Variants in TTC28 observed in about 807,000 individuals in gnomAD.
The protein encoded by TTC28 is tetratricopeptide repeat protein 28.
In TTC28, 61 loss-of-function variants were observed where a neutral mutation model predicts 198.0. The observed-to-expected ratio is 0.31, with a 90% CI of 0.25 to 0.38. The LOEUF is 0.38. TTC28 is among the 10% of genes least tolerant of loss of function. The pLI is 1.00. For synonymous variants in TTC28, 1,171 were observed against 1,297.8 expected (o/e 0.90, Z 2.10); for missense variants, 2,678 against 3,164.0 (o/e 0.85, Z 3.69).
At chr22:28,009,176 C>T (rs968093874) in intron 14 of TTC28, among the ~76,000 whole-genome samples, 4 of 152,172 alleles carry the variant, frequency 2.6e-5, no homozygotes, top group African/African-American at 7.2e-5. Context: ...CAAAGGACAG[C>T]GTGGTTCCAG....
intron 12 of TTC28, among the ~76,000 whole-genome samples, chr22:28,039,691 A>G (rs1939531652): frequency 6.6e-6 from 1 of 152,182 alleles, no homozygotes; most frequent in Non-Finnish European, 1.5e-5. Flanking sequence ...GAGAAGGAAG[A>G]GCAAACAAAT....
intron 5 of TTC28, among the ~76,000 whole-genome samples, chr22:28,207,791 G>C (rs1284644161): frequency 2.0e-5 from 3 of 152,048 alleles, no homozygotes; most frequent in Non-Finnish European, 2.9e-5. Context: ...AGAGGATCCA[G>C]GAGAGCCCCA....
chr22:28,135,198 G>A (rs924972069), intron 6 of TTC28, among the ~76,000 whole-genome samples: 1 of 152,138 alleles, frequency 6.6e-6, no homozygotes, highest in Non-Finnish European at 1.5e-5. Flanking sequence ...CTGCCATCCT[G>A]TTACTACCTT....
At chr22:28,588,650 A>C (rs1168889116) in intron 2 of TTC28, among the ~76,000 whole-genome samples, 1 of 152,228 alleles carries the variant, frequency 6.6e-6, no homozygotes. Context: ...CTTTAAAAAG[A>C]TTTCAGGTTC....
intron 2 of TTC28, among the ~76,000 whole-genome samples, chr22:28,309,798 C>A (rs1224252383): frequency 1.3e-5 from 2 of 152,112 alleles, no homozygotes; most frequent in African/African-American, 4.8e-5. Context: ...GGTTTGGCAG[C>A]AGATGGAGAA....
rs1172352140 is a variant in TTC28 at position 27,983,320 on chromosome 22, G to A, written c.6347C>T (p.Pro2116Leu). Reference protein sequence around the residue: ...PNSPVKMTLIPSPNSPFQKVG... With the variant: ...PNSPVKMTLILSPNSPFQKVG... ...CTTTTGGAAGGGTGAGTTGGGGCTG[G>A]GAATCAGAGTCATTTTCACTGGAGA... Residue 2116 changes from proline (P) to leucine (L), a missense_variant, in exon 23 of 23, where the codon CCC (proline) becomes CTC (leucine). Pro to Leu is a moderately conservative substitution (Grantham distance 98). This residue lies in a region of TTC28 where 622 missense variants were observed against 656.0 expected (regional missense o/e 0.95). Coordinates refer to ENST00000397906, the MANE Select transcript of TTC28 (RefSeq NM_001145418.2). The A allele has an allele frequency of 6.4e-7, 1 of 1,551,986 alleles. No homozygotes were observed. Among genetic ancestry groups the A allele is most frequent in the Non-Finnish European group, 8.7e-7 (1 of 1,147,096 alleles).
At chr22:28,293,179 C>A (rs1449505254) in intron 5 of TTC28, among the ~76,000 whole-genome samples, 3 of 152,002 alleles carry the variant, frequency 2.0e-5, no homozygotes, top group African/African-American at 7.2e-5. Context: ...GAATTATTCA[C>A]AATAACCAAG....
chr22:27,983,745 T>C lies in TTC28; in HGVS notation c.5922A>G (p.Gln1974=). 6.4e-7 allele frequency: 1 copy of C among 1,551,100 alleles called. No homozygotes were observed. Among genetic ancestry groups the C allele is most frequent in the Non-Finnish European group, 8.7e-7 (1 of 1,146,862 alleles). Residue 1974 remains glutamine (Q), a synonymous_variant, in exon 23 of 23, where the codon CAA becomes CAG. Transcript: ENST00000397906. ...VSNALPLGYQ[Q]PPFSPTGADS... ...CCGCACCGGTGGGAGAGAAGGGGGG[T>C]TGCTGGTAACCCAAGGGCAGGGCGT...
chr22:28,378,256 G>A (rs2046442211), intron 2 of TTC28, among the ~76,000 whole-genome samples: 1 of 147,198 alleles, frequency 6.8e-6, no homozygotes, highest in Non-Finnish European at 1.5e-5. Context: ...TGAGGCATGA[G>A]AATAGCTTGA....
At chr22:28,642,485 AG>A (rs1432971141) in intron 1 of TTC28, among the ~76,000 whole-genome samples, 1 of 151,990 alleles carries the variant, frequency 6.6e-6, no homozygotes, top group Non-Finnish European at 1.5e-5. Context: ...GAAAGGCCCA[AG>A]CAGTTTATTT....
At chr22:28,545,019 T>C (rs1476698462) in intron 2 of TTC28, among the ~76,000 whole-genome samples, 2 of 152,194 alleles carry the variant, frequency 1.3e-5, no homozygotes, top group Non-Finnish European at 2.9e-5. Flanking sequence ...TCCTTTACTT[T>C]CTTAATAAAT....
chr22:28,144,370 A>G (rs1943410342), intron 6 of TTC28, among the ~76,000 whole-genome samples: 1 of 152,248 alleles, frequency 6.6e-6, no homozygotes, highest in Non-Finnish European at 1.5e-5. Flanking sequence ...TAATAGTGGA[A>G]GATGGTTTGG....
chr22:28,447,440 C>T (rs1269149922), intron 2 of TTC28, among the ~76,000 whole-genome samples: 1 of 152,220 alleles, frequency 6.6e-6, no homozygotes, highest in Admixed American at 6.5e-5. Context: ...AGCATCCTAA[C>T]AGGCCAAACA....
At chr22:28,567,475 C>CATATATAT (rs1217643047) in intron 2 of TTC28, among the ~76,000 whole-genome samples, 19 of 13,766 alleles carry the variant, frequency 1.4e-3, no homozygotes, top group South Asian at 3.1e-3. Flanking sequence ...CATATACATA[C>CATATATAT]ATACATATAT....
chr22:27,990,666 C>G (rs1937367994), intron 20 of TTC28, 123 bp downstream of exon 20: 1 of 924,368 alleles, frequency 1.1e-6, no homozygotes, highest in South Asian at 1.8e-5. Flanking sequence ...GGGGGCGCCG[C>G]AGCCCGTGTG....
intron 5 of TTC28, among the ~76,000 whole-genome samples, chr22:28,288,375 C>G (rs933460540): frequency 1.3e-5 from 2 of 152,162 alleles, no homozygotes; most frequent in Admixed American, 6.5e-5. Context: ...CTTCCTAAAT[C>G]TAAACATCAT....
intron 15 of TTC28, chr22:27,999,489 G>A: frequency 1.6e-6 from 1 of 624,498 alleles, no homozygotes; most frequent in Non-Finnish European, 2.7e-6. Context: ...CATCAGGACT[G>A]GATGGTAGGG....
chr22:28,427,401 C>T (rs939097792), intron 2 of TTC28, among the ~76,000 whole-genome samples: 3 of 152,184 alleles, frequency 2.0e-5, no homozygotes, highest in Admixed American at 2.0e-4. Context: ...CGCCTGTAAT[C>T]CCAGCACTTT....
chr22:28,118,680 G>A (rs746851682), intron 6 of TTC28, among the ~76,000 whole-genome samples: 3 of 152,062 alleles, frequency 2.0e-5, no homozygotes, highest in Admixed American at 6.6e-5. Context: ...TGATGTTCAC[G>A]CAATGAAGAA....
Sources: allele counts gnomAD v4.1 joint callset (sites outside exome capture counted in the v4.1 genomes callset), GRCh38; gene constraint gnomAD v4.1.1; regional missense constraint gnomAD v4.1.1; transcripts MANE v1.5; gene names NCBI Gene and HGNC (gene_info 2026-07-23, HGNC 2026-07-21).